Variants in SOX8 observed in about 807,000 individuals in gnomAD.
SOX8 encodes the protein SRY-box transcription factor 8, also known as transcription factor SOX-8.
Under a neutral mutation model 22.9 loss-of-function variants are expected in SOX8, and 9 were observed. That is an observed-to-expected ratio of 0.39 (90% CI 0.24 to 0.69). SOX8 has a LOEUF of 0.69. Among genes scored for constraint, SOX8 ranks in the 30% least tolerant of loss-of-function variants. SOX8 has a pLI of 0.43. For missense variants in SOX8, 734 were observed against 699.4 expected, an observed-to-expected ratio of 1.05 and a Z score of -0.56; for synonymous variants, 416 against 330.6, an observed-to-expected ratio of 1.26 and a Z score of -2.80.
At position 984,960 on chromosome 16, in the gene SOX8, C is replaced by T. The variant is rs372544446; in HGVS notation, c.915C>T (p.Gly305=). The change falls in exon 3 of 3, where the codon GGC becomes GGT. Residue 305 remains glycine, a synonymous_variant. Coordinates refer to ENST00000293894, the MANE Select transcript of SOX8 (RefSeq NM_014587.5). ...CCGAGCCGGGCCAGGCCTATGGGGG[C>T]GCCTACTTCCACGCCGGGGCGTCCC... is the stretch of plus-strand genomic sequence containing the variant. ...APPEPGQAYG[G]AYFHAGASPV... The T allele has an allele frequency of 8.8e-6, 14 of 1,596,622 alleles. No homozygotes were observed. The highest frequency in any genetic ancestry group is 5.2e-5 in the Admixed American group (3 of 57,840).
In SOX8 at chr16:982,216, C is replaced by G; in HGVS notation, c.294C>G (p.Ala98=). 6.5e-7 allele frequency: 1 copy of G among 1,535,160 alleles called. No homozygotes were observed. Among genetic ancestry groups the G allele is most frequent in the Non-Finnish European group, 8.7e-7 (1 of 1,148,746 alleles). Residue 98 remains alanine, a synonymous_variant, in exon 1 of 3, where the codon GCC becomes GCG. Coordinates refer to ENST00000293894, the MANE Select transcript of SOX8 (RefSeq NM_014587.5). ...VRGGGGGALK[A]KPHVKRPMNA... is the part of the protein sequence containing the mutation. ...GCGGCGGCGGCGGCGCGCTCAAAGC[C>G]AAGCCGCATGTGAAGCGGCCCATGA...
chr16:984,005 G>A (rs1366101754), intron 2 of SOX8, 45 bp downstream of exon 2: 3 of 1,421,042 alleles, frequency 2.1e-6, no homozygotes, highest in Middle Eastern at 1.8e-4. Context: ...CTGTATGGGA[G>A]GCAGCTGTGG....
chr16:983,063 G>T (rs116991096), intron 1 of SOX8: 1 of 152,402 alleles, frequency 6.6e-6, no homozygotes, highest in South Asian at 2.1e-4. Context: ...TTGGTTTGGG[G>T]CTCTGGTTCC....
chr16:982,326 C>G lies in SOX8; in HGVS notation c.404C>G (p.Thr135Arg), dbSNP rs752188027. 7.1e-7 allele frequency: 1 copy of G among 1,402,996 alleles called. No homozygotes were observed. Among genetic ancestry groups the G allele is most frequent in the Non-Finnish European group, 9.3e-7 (1 of 1,072,450 alleles). 86.9% of individuals were successfully genotyped at this position (1,402,996 alleles called of 1,614,324 possible). A position where few individuals can be genotyped will look rare whatever the true frequency, so the allele number is the denominator to read the frequency against. The change falls in exon 1 of 3, where the codon ACG (threonine) becomes AGG (arginine). Residue 135 changes from threonine to arginine, a missense_variant. Physicochemically the swap from Thr to Arg is moderately conservative, Grantham distance 71. Coordinates refer to ENST00000293894, the MANE Select transcript of SOX8 (RefSeq NM_014587.5). ...PHLHNAELSK[T>R]LGKLWRLLSE... ...CTGCACAACGCCGAGCTCAGCAAGA[C>G]GCTGGGCAAGCTGTGGCGGTGAGTG...
In SOX8 at chr16:985,104, A is replaced by G. The variant is rs1389672127; in HGVS notation, c.1059A>G (p.Arg353=). 6.3e-7 allele frequency: 1 copy of G among 1,593,066 alleles called. No individual in the cohort carries two copies. The highest frequency in any genetic ancestry group is 8.5e-7 in the Non-Finnish European group (1 of 1,175,012). The change falls in exon 3 of 3, where the codon CGA becomes CGG. Residue 353 remains arginine (R), a synonymous_variant. Transcript: ENST00000293894. Reference sequence around the variant, plus strand: ...CCGGCCACTACGGCGACCAGCCCCGAGGCTCGCCCGACTACGGTTCCTGCA... The same window carrying G: ...CCGGCCACTACGGCGACCAGCCCCGGGGCTCGCCCGACTACGGTTCCTGCA... ...PSPGHYGDQP[R]GSPDYGSCSG...
chr16:983,520 A>G, intron 1 of SOX8: 1 of 486,852 alleles, frequency 2.1e-6, no homozygotes, highest in Non-Finnish European at 3.6e-6. Context: ...TCGTAAGCAT[A>G]CCAACCTTCC....
At position 985,455 on chromosome 16, in the gene SOX8, C is replaced by A; in HGVS notation, c.*69C>A. ...CTTGTCCCGGCCCAGTGTGTGTGAC[C>A]AGGGCGGGAGGGGCCCCAGTGGCTG... is the stretch of plus-strand genomic sequence containing the variant. On this transcript the variant is annotated 3_prime_UTR_variant, in exon 3 of 3. Transcript: ENST00000293894. 7.4e-7 allele frequency: 1 copy of A among 1,342,684 alleles called. No homozygotes were observed. The highest frequency in any genetic ancestry group is 1.5e-5 in the South Asian group (1 of 66,452). The allele number at this position is 1,342,684 out of a possible 1,614,324, so 83.2% of individuals were successfully genotyped here.
chr16:983,650 G>C, intron 1 of SOX8, 78 bp from the exon 2 acceptor site: 1 of 1,366,682 alleles, frequency 7.3e-7, no homozygotes, highest in Non-Finnish European at 1.0e-6. Context: ...CTCTGCTGCC[G>C]GTTCCCCCTG....
chr16:981,905 C>T lies in SOX8; in HGVS notation c.-18C>T, dbSNP rs760030705. 1.1e-5 allele frequency: 13 copies of T among 1,231,498 alleles called. No individual in the cohort carries two copies. In the East Asian group the frequency reaches 2.6e-4, roughly 25 times the overall value. The allele number at this position is 1,231,498 out of a possible 1,614,324, so 76.3% of individuals were successfully genotyped here. A position where few individuals can be genotyped will look rare whatever the true frequency, so the allele number is the denominator to read the frequency against. ...CCGGTGCGCGTCTCCTGTGCGCGCCCCTCCGCGCGCGGCCCCGATGCTGGA... is the reference window on the plus strand; with the variant it reads ...CCGGTGCGCGTCTCCTGTGCGCGCCTCTCCGCGCGCGGCCCCGATGCTGGA... On this transcript the variant is annotated 5_prime_UTR_variant, in exon 1 of 3. Coordinates refer to ENST00000293894, the MANE Select transcript of SOX8 (RefSeq NM_014587.5).
At position 985,514 on chromosome 16, in the gene SOX8, C is replaced by T; in HGVS notation, c.*128C>T. ...GTGCCTGCTGAAGTCTGCAGGGAAA[C>T]ACGCTTGCTGCCCGTGGCCCTCGGC... On this transcript the variant is annotated 3_prime_UTR_variant, in exon 3 of 3. Transcript: ENST00000293894. 1.3e-6 allele frequency: 1 copy of T among 763,406 alleles called. No homozygotes were observed. The highest frequency in any genetic ancestry group is 2.1e-5 in the South Asian group (1 of 47,816). 47.3% of individuals were successfully genotyped at this position (763,406 alleles called of 1,614,324 possible).
rs556974645 is a variant in SOX8 at position 983,546 on chromosome 16, C to T, written c.423-182C>T. 281 of 507,516 alleles carry T rather than the reference C, an allele frequency of 5.5e-4. 4 individuals carry two copies. The South Asian group carries it at 9.2e-3, about 17-fold the overall frequency. 31.4% of individuals were successfully genotyped at this position (507,516 alleles called of 1,614,324 possible). Reference sequence around the variant, plus strand: ...CCAACCTTCCCAAACAGGCGCCGGCCGGTTCTCCCAGAGGAGTGTACTGCC... The same window carrying T: ...CCAACCTTCCCAAACAGGCGCCGGCTGGTTCTCCCAGAGGAGTGTACTGCC... On this transcript the variant is annotated intron_variant, in intron 1 of 2. Coordinates refer to ENST00000293894, the MANE Select transcript of SOX8 (RefSeq NM_014587.5).
At position 985,460 on chromosome 16, in the gene SOX8, C is replaced by A; in HGVS notation, c.*74C>A. ...CCCGGCCCAGTGTGTGTGACCAGGG[C>A]GGGAGGGGCCCCAGTGGCTGAGCTC... On this transcript the variant is annotated 3_prime_UTR_variant, in exon 3 of 3. Transcript: ENST00000293894. 2 of 1,267,842 alleles carry A rather than the reference C, an allele frequency of 1.6e-6. No individual in the cohort carries two copies. The highest frequency in any genetic ancestry group is 1.6e-5 in the South Asian group (1 of 62,074). 78.5% of individuals were successfully genotyped at this position (1,267,842 alleles called of 1,614,324 possible). A position where few individuals can be genotyped will look rare whatever the true frequency, so the allele number is the denominator to read the frequency against.
In SOX8 at chr16:983,875, G is replaced by C; in HGVS notation, c.570G>C (p.Ala190=). 2 of 1,611,260 alleles carry C rather than the reference G, an allele frequency of 1.2e-6. No homozygotes were observed. Among genetic ancestry groups the C allele is most frequent in the Non-Finnish European group, 8.5e-7 (1 of 1,179,080 alleles). The part of the protein sequence containing the change: ...KAGHSDSDSG[A]ELGPHPGGGA... The stretch of plus-strand genomic sequence containing the variant: ...GCCACAGCGACTCCGACTCGGGCGC[G>C]GAGCTGGGACCCCACCCTGGCGGCG... Residue 190 remains alanine (A), a synonymous_variant, in exon 2 of 3, where the codon GCG becomes GCC. Transcript: ENST00000293894.
At chr16:984,649 C>T in intron 2 of SOX8, 52 bp from the exon 3 acceptor site, 2 of 1,247,094 alleles carry the variant, frequency 1.6e-6, no homozygotes, top group Middle Eastern at 2.5e-4. Flanking sequence ...GCCGGCCCCA[C>T]CCGCCCCACA....
chr16:982,963 C>A (rs546147191), intron 1 of SOX8: 2 of 152,488 alleles, frequency 1.3e-5, no homozygotes, highest in African/African-American at 4.8e-5. Context: ...GGTCAGTTTT[C>A]CAGAAATTAG....
chr16:983,508 T>G lies in SOX8; in HGVS notation c.423-220T>G, dbSNP rs180740096. 523 of 429,826 alleles carry G rather than the reference T, an allele frequency of 1.2e-3. 5 individuals carry two copies. The highest frequency in any genetic ancestry group is 9.8e-3 in the African/African-American group (482 of 49,250). The allele number at this position is 429,826 out of a possible 1,614,324, so 26.6% of individuals were successfully genotyped here. On this transcript the variant is annotated intron_variant, in intron 1 of 2. Transcript: ENST00000293894. ...GGCGTGGGGCTTGTTCTTCTTTGGC[T>G]GTCGTAAGCATACCAACCTTCCCAA...
Position 984,888 on chromosome 16 carries a change from C to T in SOX8, c.843C>T (p.Asp281=), listed in dbSNP as rs148457683. The T allele has an allele frequency of 2.8e-5, 45 of 1,611,108 alleles. No homozygotes were observed. In the African/African-American group the frequency reaches 4.8e-4, roughly 17 times the overall value. ...SEVMGTMDAF[D]VHEFDQYLPL... is the part of the protein sequence containing the mutation. ...TCATGGGCACCATGGACGCCTTCGA[C>T]GTCCACGAGTTCGACCAGTACCTGC... The change falls in exon 3 of 3, where the codon GAC becomes GAT. Residue 281 remains aspartate, a synonymous_variant. Coordinates refer to ENST00000293894, the MANE Select transcript of SOX8 (RefSeq NM_014587.5).
rs987715797 is a variant in SOX8 at position 984,566 on chromosome 16, G to A, written c.656-135G>A. On this transcript the variant is annotated intron_variant, in intron 2 of 2. Transcript: ENST00000293894. ...TAGGTCTGACTTTGCTGGAATTTCTGGGAAATGTAAAGAAACAAAAAGCCG... is the reference window on the plus strand; with the variant it reads ...TAGGTCTGACTTTGCTGGAATTTCTAGGAAATGTAAAGAAACAAAAAGCCG... The A allele has an allele frequency of 3.1e-5, 18 of 583,768 alleles. 1 individual carries two copies. Among genetic ancestry groups the A allele is most frequent in the Non-Finnish European group, 4.1e-5 (14 of 342,490 alleles). The allele number at this position is 583,768 out of a possible 1,614,324, so 36.2% of individuals were successfully genotyped here. A position where few individuals can be genotyped will look rare whatever the true frequency, so the allele number is the denominator to read the frequency against.
rs923714022 is a variant in SOX8, at chr16:985,053, G to A, written c.1008G>A (p.Pro336=). The change falls in exon 3 of 3, where the codon CCG becomes CCA. Residue 336 remains proline, a synonymous_variant. Transcript: ENST00000293894. The part of the protein sequence containing the change: ...ASPTETGPPR[P]HIKTEQPSPG... ...CCACCGAGACGGGTCCCCCACGGCC[G>A]CACATCAAGACGGAGCAGCCGAGCC... 7.6e-6 allele frequency: 12 copies of A among 1,578,458 alleles called. No individual in the cohort carries two copies. The highest frequency in any genetic ancestry group is 1.4e-5 in the African/African-American group (1 of 73,510).
Sources: gnomAD v4.1 joint callset for allele counts on GRCh38, gnomAD v4.1.1 for gene constraint, MANE v1.5 for transcripts, NCBI Gene and HGNC (gene_info 2026-07-23, HGNC 2026-07-21) for gene names.